The following ADGRG6 variants were observed in gnomAD, a reference collection of about 807,000 sequenced individuals.
ADGRG6 encodes adhesion G protein-coupled receptor G6, also known as G-protein coupled receptor 126.
A neutral mutation model predicts 142.4 loss-of-function variants in ADGRG6; 84 were observed. The observed-to-expected ratio is 0.59, with a 90% confidence interval of 0.49 to 0.71. The LOEUF (loss-of-function observed/expected upper bound fraction) is 0.71. Ranked by LOEUF, ADGRG6 falls within the 30% of genes least tolerant of loss-of-function variation. The pLI is 0.00. For missense variants in ADGRG6, 1,367 were observed against 1,466.6 expected (o/e 0.93, Z 1.11); for synonymous variants, 521 against 520.5 (o/e 1.00, Z -0.01).
intron 2 of ADGRG6, among the ~76,000 whole-genome samples, chr6:142,323,843 C>T (rs1488536432): frequency 1.1e-4 from 16 of 152,050 alleles, no homozygotes; most frequent in Admixed American, 1.0e-3. Flanking sequence ...TTTGGTCTGT[C>T]GTTGACTGAA....
intron 3 of ADGRG6, among the ~76,000 whole-genome samples, chr6:142,368,761 CTTAAATTTTTCAAAATATT>C (rs1484200598): frequency 4.6e-5 from 7 of 151,828 alleles, no homozygotes; most frequent in East Asian, 1.9e-4. Flanking sequence ...AACACACATG[CTTAAATTTTTCAAAATATT>C]TTAAATTTTT....
chr6:142,335,760 G>A (rs1408968404), intron 2 of ADGRG6, among the ~76,000 whole-genome samples: 1 of 152,024 alleles, frequency 6.6e-6, no homozygotes, highest in Non-Finnish European at 1.5e-5. Context: ...GCAAAATTTA[G>A]GGAAAAAGGA....
Position 142,342,540 on chromosome 6 carries a change from C to T in ADGRG6, c.104-25029C>T, listed in dbSNP as rs141685852. Among the ~76,000 whole-genome samples the T allele has an allele frequency of 8.7e-3, 1,318 of 152,120 alleles. 23 individuals carry two copies. Among genetic ancestry groups the T allele is most frequent in the Non-Finnish European group, 0.013 (905 of 67,972 alleles). ...CCTGAGCATTCTTATTGATACTTTA[C>T]CGTCTAAATAAGGCGTTAGAAGTTT... is the stretch of plus-strand genomic sequence containing the variant. On this transcript the variant is annotated intron_variant, in intron 2 of 24. Coordinates refer to ENST00000367609, the MANE Select transcript of ADGRG6 (RefSeq NM_198569.3).
intron 22 of ADGRG6, among the ~76,000 whole-genome samples, chr6:142,431,413 G>T (rs1777202641): frequency 6.6e-6 from 1 of 152,122 alleles, no homozygotes; most frequent in African/African-American, 2.4e-5. Flanking sequence ...CTTGAAACTG[G>T]CACTAGCTTT....
chr6:142,413,729 C>T (rs1776209599), intron 18 of ADGRG6, among the ~76,000 whole-genome samples: 1 of 152,082 alleles, frequency 6.6e-6, no homozygotes, highest in Non-Finnish European at 1.5e-5. Flanking sequence ...CCCGTGTTCT[C>T]CCAGTGTTTT....
rs1449730489 is a variant in ADGRG6, at chr6:142,411,311, T to C, written c.2441T>C (p.Phe814Ser). 5.0e-6 allele frequency: 8 copies of C among 1,585,466 alleles called. No homozygotes were observed. The East Asian group carries it at 1.8e-4, about 35-fold the overall frequency. Residue 814 changes from phenylalanine (F) to serine (S), a missense_variant, in exon 18 of 25, where the codon TTT (phenylalanine) becomes TCT (serine). By Grantham distance (155) the Phe-to-Ser change is radical. Coordinates refer to ENST00000367609, the MANE Select transcript of ADGRG6 (RefSeq NM_198569.3). ...TTGTTGATTCCTTCAACAGAAAGTT[T>C]TGGAGGATGGAACACGTCAGGATGT... is the stretch of plus-strand genomic sequence containing the variant. ...AFWDLNKNKS[F>S]GGWNTSGCVA...
intron 2 of ADGRG6, among the ~76,000 whole-genome samples, chr6:142,345,953 G>A (rs1027056926): frequency 5.3e-5 from 8 of 152,130 alleles, no homozygotes; most frequent in Admixed American, 2.0e-4. Context: ...AGATGACTTC[G>A]ATTTGCGAGT....
At chr6:142,386,118 A>G (rs1158511410) in intron 6 of ADGRG6, among the ~76,000 whole-genome samples, 1 of 152,220 alleles carries the variant, frequency 6.6e-6, no homozygotes, top group African/African-American at 2.4e-5. Flanking sequence ...GTATATCAAT[A>G]GAATTTGTTT....
intron 2 of ADGRG6, among the ~76,000 whole-genome samples, chr6:142,317,810 TTA>T (rs1426766208): frequency 5.6e-5 from 5 of 89,648 alleles, no homozygotes; most frequent in East Asian, 2.7e-4. Context: ...TTATATATAT[TTA>T]TATATATTAA....
At chr6:142,353,179 AGGCTCCCACCCAAGCTATG>A (rs1780272380) in intron 2 of ADGRG6, among the ~76,000 whole-genome samples, 2 of 152,268 alleles carry the variant, frequency 1.3e-5, no homozygotes, top group African/African-American at 4.8e-5. Flanking sequence ...AGATAGCTAA[AGGCTCCCACCCAAGCTATG>A]GGCTCCCACC....
chr6:142,410,515 T>C (rs1776026724), intron 17 of ADGRG6, among the ~76,000 whole-genome samples: 2 of 152,068 alleles, frequency 1.3e-5, no homozygotes, highest in South Asian at 4.1e-4. Context: ...GAAGTACAAA[T>C]AAAGAAGCTT....
In ADGRG6 at chr6:142,445,321, T is replaced by C. The variant is rs1261141013; in HGVS notation, c.*1806T>C. On this transcript the variant is annotated 3_prime_UTR_variant, in exon 25 of 25. Coordinates refer to ENST00000367609, the MANE Select transcript of ADGRG6 (RefSeq NM_198569.3). ...TCTAAGGTCACTGAGCCAAATCCTT[T>C]TCAATAGGCATATATTAACAGGCTG... 1.3e-5 allele frequency: 2 copies of C among 152,154 alleles called. No individual in the cohort carries two copies. Among genetic ancestry groups the C allele is most frequent in the African/African-American group, 2.4e-5 (1 of 41,440 alleles). The allele number at this position is 152,154 out of a possible 1,614,324, so 9.4% of individuals were successfully genotyped here. A position where few individuals can be genotyped will look rare whatever the true frequency, so the allele number is the denominator to read the frequency against.
intron 4 of ADGRG6, among the ~76,000 whole-genome samples, chr6:142,377,309 C>T (rs1371773723): frequency 6.6e-6 from 1 of 152,214 alleles, no homozygotes; most frequent in African/African-American, 2.4e-5. Flanking sequence ...AGGCCCTCCA[C>T]CTCACTGATT....
chr6:142,401,965 A>G, intron 11 of ADGRG6, 29 bp from the exon 12 acceptor site: 1 of 1,062,506 alleles, frequency 9.4e-7, no homozygotes, highest in Non-Finnish European at 1.4e-6. Flanking sequence ...GTTATATCAA[A>G]TATTTAAAAT....
chr6:142,309,062 T>C (rs1463715676), intron 1 of ADGRG6, among the ~76,000 whole-genome samples: 1 of 151,772 alleles, frequency 6.6e-6, no homozygotes, highest in African/African-American at 2.4e-5. Flanking sequence ...AGAACAGAGT[T>C]TGGGCAATTT....
chr6:142,391,350 A>C (rs1583079385), intron 7 of ADGRG6, among the ~76,000 whole-genome samples: 1 of 151,224 alleles, frequency 6.6e-6, no homozygotes, highest in African/African-American at 2.4e-5. Flanking sequence ...AAATAAGAAA[A>C]ATGGGTTTTC....
intron 4 of ADGRG6, among the ~76,000 whole-genome samples, chr6:142,373,931 A>C (rs1278813953): frequency 7.5e-6 from 1 of 132,524 alleles, no homozygotes; most frequent in Non-Finnish European, 1.5e-5. Flanking sequence ...TGTGTTGCCC[A>C]GACTGGCCTC....
intron 2 of ADGRG6, among the ~76,000 whole-genome samples, chr6:142,321,631 C>T (rs921208941): frequency 7.9e-5 from 12 of 151,914 alleles, no homozygotes; most frequent in Admixed American, 3.9e-4. Flanking sequence ...TATGGAATTA[C>T]GGAATAGGCA....
At chr6:142,391,137 C>A (rs1261796768) in intron 7 of ADGRG6, among the ~76,000 whole-genome samples, 1 of 151,534 alleles carries the variant, frequency 6.6e-6, no homozygotes, top group African/African-American at 2.4e-5. Context: ...ATTTTATTTT[C>A]TTCTTTTTCT....
Sources: allele counts gnomAD v4.1 joint callset (sites outside exome capture counted in the v4.1 genomes callset), GRCh38; gene constraint gnomAD v4.1.1; transcripts MANE v1.5; gene names NCBI Gene and HGNC (gene_info 2026-07-23, HGNC 2026-07-21).